The following MTRES1 variants were observed in gnomAD, a reference collection of about 807,000 sequenced individuals.
MTRES1 encodes the protein uncharacterized protein C6orf203.
MTRES1 carries 11 observed loss-of-function variants against 17.4 expected under a neutral mutation model. The observed-to-expected ratio is 0.63, with a 90% CI of 0.40 to 1.05. The LOEUF (loss-of-function observed/expected upper bound fraction) is 1.05, where lower values mean the gene tolerates loss of function less well. MTRES1 is among the 50% of genes least tolerant of loss of function. The pLI is 0.00. For synonymous variants in MTRES1, 94 were observed against 99.6 expected (o/e 0.94, Z 0.34); for missense variants, 268 against 276.2 (o/e 0.97, Z 0.21).
At chr6:107,046,220 A>G (rs1420301974) in intron 3 of MTRES1, among the ~76,000 whole-genome samples, 1 of 152,194 alleles carries the variant, frequency 6.6e-6, no homozygotes, top group African/African-American at 2.4e-5. Flanking sequence ...AAGCTGCAGT[A>G]TTCCAAAAAC....
intron 3 of MTRES1, among the ~76,000 whole-genome samples, chr6:107,045,867 T>C (rs1582615835): frequency 1.3e-5 from 2 of 152,214 alleles, no homozygotes; most frequent in Admixed American, 6.5e-5. Flanking sequence ...TATTTCAAAA[T>C]ACCCCTGGGG....
chr6:107,047,936 T>C (rs979556164), intron 3 of MTRES1, among the ~76,000 whole-genome samples: 10 of 152,054 alleles, frequency 6.6e-5, no homozygotes, highest in African/African-American at 2.2e-4. Context: ...AGTTGGTGTG[T>C]GTCTGTAGTC....
chr6:107,032,406 C>A (rs1372542507), intron 1 of MTRES1, among the ~76,000 whole-genome samples: 2 of 152,140 alleles, frequency 1.3e-5, no homozygotes, highest in Admixed American at 1.3e-4. Flanking sequence ...CCTGCATCAG[C>A]TGGAGCTCAG....
At position 107,051,412 on chromosome 6, in the gene MTRES1, A is replaced by G; in HGVS notation, c.*176A>G. 1 of 555,930 alleles carries G rather than the reference A, an allele frequency of 1.8e-6. No homozygotes were observed. The highest frequency in any genetic ancestry group is 3.1e-6 in the Non-Finnish European group (1 of 319,498). 34.4% of individuals were successfully genotyped at this position (555,930 alleles called of 1,614,324 possible). A position where few individuals can be genotyped will look rare whatever the true frequency, so the allele number is the denominator to read the frequency against. Reference sequence around the variant, plus strand: ...ACTTCCCAAGGCCTGCCTCACCTCCACCCCCTGCCCACCTTGATCCATGCT... The same window carrying G: ...ACTTCCCAAGGCCTGCCTCACCTCCGCCCCCTGCCCACCTTGATCCATGCT... On this transcript the variant is annotated 3_prime_UTR_variant, in exon 4 of 4. Transcript: ENST00000311381.
intron 1 of MTRES1, among the ~76,000 whole-genome samples, chr6:107,029,228 C>T (rs1773744945): frequency 6.7e-6 from 1 of 149,372 alleles, no homozygotes; most frequent in Non-Finnish European, 1.5e-5. Context: ...CGCTCTGTCG[C>T]CCAGGCTGGA....
chr6:107,031,579 A>AT (rs1349586396), intron 1 of MTRES1, among the ~76,000 whole-genome samples: 1 of 150,010 alleles, frequency 6.7e-6, no homozygotes, highest in Admixed American at 6.7e-5. Context: ...AGTAGCTAGG[A>AT]TTACAGATGC....
At chr6:107,036,966 G>A (rs1245209935) in intron 1 of MTRES1, among the ~76,000 whole-genome samples, 2 of 151,996 alleles carry the variant, frequency 1.3e-5, no homozygotes, top group Non-Finnish European at 2.9e-5. Flanking sequence ...TTTTTCTGTA[G>A]AGATAGAGTC....
intron 3 of MTRES1, among the ~76,000 whole-genome samples, chr6:107,049,015 T>C (rs1387600202): frequency 1.3e-5 from 2 of 151,996 alleles, no homozygotes; most frequent in African/African-American, 2.4e-5. Flanking sequence ...GTTTCCTGGA[T>C]TGGCCAGTAT....
At position 107,051,273 on chromosome 6, in the gene MTRES1, G is replaced by A. The variant is rs1554229216; in HGVS notation, c.*37G>A. On this transcript the variant is annotated 3_prime_UTR_variant, in exon 4 of 4. Coordinates refer to ENST00000311381, the MANE Select transcript of MTRES1 (RefSeq NM_016487.5). ...TTTAGCAATAGAGCTGCTTTCTAGTGGTAAAGGAAGGGGTCACCTGAAAAA... is the reference window on the plus strand; with the variant it reads ...TTTAGCAATAGAGCTGCTTTCTAGTAGTAAAGGAAGGGGTCACCTGAAAAA... 2.0e-6 allele frequency: 3 copies of A among 1,508,074 alleles called. No individual in the cohort carries two copies. Among genetic ancestry groups the A allele is most frequent in the Non-Finnish European group, 2.7e-6 (3 of 1,104,764 alleles). The allele number at this position is 1,508,074 out of a possible 1,614,324, so 93.4% of individuals were successfully genotyped here.
intron 3 of MTRES1, among the ~76,000 whole-genome samples, chr6:107,048,005 G>C (rs1430918547): frequency 6.6e-6 from 1 of 152,202 alleles, no homozygotes; most frequent in Non-Finnish European, 1.5e-5. Flanking sequence ...TGAGGCTACA[G>C]TACACTATGA....
At chr6:107,030,817 G>A (rs1773810529) in intron 1 of MTRES1, among the ~76,000 whole-genome samples, 1 of 152,134 alleles carries the variant, frequency 6.6e-6, no homozygotes, top group Non-Finnish European at 1.5e-5. Context: ...TTTGCAAGCA[G>A]GCATTCTAAG....
chr6:107,035,393 T>G (rs1773975592), intron 1 of MTRES1, among the ~76,000 whole-genome samples: 1 of 151,710 alleles, frequency 6.6e-6, no homozygotes, highest in Non-Finnish European at 1.5e-5. Context: ...CCTCCCAAAG[T>G]GCTGGGATTA....
At chr6:107,047,747 A>G (rs781870237) in intron 3 of MTRES1, among the ~76,000 whole-genome samples, 17 of 151,894 alleles carry the variant, frequency 1.1e-4, no homozygotes, top group Non-Finnish European at 2.5e-4. Context: ...TTACCCGGGC[A>G]TGGTGGCAGG....
At chr6:107,041,081 C>T (rs542675516) in intron 2 of MTRES1, among the ~76,000 whole-genome samples, 14 of 151,222 alleles carry the variant, frequency 9.3e-5, no homozygotes, top group Middle Eastern at 3.5e-3. Flanking sequence ...AAAAAATTAG[C>T]CAGGCGTGGT....
chr6:107,050,171 T>C (rs903087910), intron 3 of MTRES1, among the ~76,000 whole-genome samples: 1 of 151,098 alleles, frequency 6.6e-6, no homozygotes, highest in South Asian at 2.1e-4. Context: ...TGCATTGCAC[T>C]GTCTCAACTG....
intron 3 of MTRES1, among the ~76,000 whole-genome samples, chr6:107,044,899 T>C (rs56326370): frequency 0.037 from 5,677 of 152,192 alleles, 161 homozygotes; most frequent in Middle Eastern, 0.13. Context: ...ATAAATCATA[T>C]ATAAAAATTC....
chr6:107,050,576 T>C (rs1774563519), intron 3 of MTRES1, among the ~76,000 whole-genome samples: 1 of 88,772 alleles, frequency 1.1e-5, no homozygotes, highest in Non-Finnish European at 2.3e-5. Context: ...TTTTTTTTTT[T>C]CGTTTTTTTC....
chr6:107,044,490 TCAGACACA>T (rs139837823), intron 3 of MTRES1, among the ~76,000 whole-genome samples, 158 bp downstream of exon 3: 2,834 of 152,304 alleles, frequency 0.019, 59 homozygotes, highest in African/African-American at 0.049. Flanking sequence ...GCTACAGGCT[TCAGACACA>T]CAGGCACTTT....
At chr6:107,031,847 C>A (rs575654729) in intron 1 of MTRES1, among the ~76,000 whole-genome samples, 1 of 152,182 alleles carries the variant, frequency 6.6e-6, no homozygotes. Context: ...GTGATCCACC[C>A]ACCTCGGCCT....
Sources: allele counts gnomAD v4.1 joint callset (sites outside exome capture counted in the v4.1 genomes callset), GRCh38; gene constraint gnomAD v4.1.1; transcripts MANE v1.5; gene names NCBI Gene and HGNC (gene_info 2026-07-23, HGNC 2026-07-21).